RYR2: variants seen among roughly 807,000 people sequenced by gnomAD.
The protein encoded by RYR2 is ryanodine receptor 2, also known as cardiac muscle ryanodine receptor-calcium release channel.
RYR2 carries 227 observed loss-of-function variants against 601.1 expected under a neutral mutation model. The ratio of observed to expected loss-of-function variants is 0.38; its 90% CI spans 0.34 to 0.42. RYR2 has a LOEUF of 0.42. Among genes scored for constraint, RYR2 ranks in the 10% least tolerant of loss-of-function variants. RYR2 has a pLI of 1.00. For synonymous variants in RYR2, 2,223 were observed against 2,175.1 expected (o/e 1.02, Z -0.61); for missense variants, 4,646 against 6,156.5 (o/e 0.75, Z 8.21).
intron 22 of RYR2, among the ~76,000 whole-genome samples, chr1:237,505,353 T>C (rs887768475): frequency 1.2e-4 from 19 of 152,196 alleles, no homozygotes; most frequent in African/African-American, 4.6e-4. Flanking sequence ...TATTCAAAGT[T>C]TGTTTCTTAG....
intron 10 of RYR2, among the ~76,000 whole-genome samples, chr1:237,414,986 T>C (rs1363272300): frequency 1.3e-5 from 1 of 75,762 alleles, no homozygotes; most frequent in South Asian, 5.2e-4. Context: ...CATCTGACAA[T>C]GTTGGAGAAC....
chr1:237,747,630 AAGAATGAATGGGCTGTAAG>A (rs1344003062), intron 80 of RYR2, among the ~76,000 whole-genome samples: 5 of 152,216 alleles, frequency 3.3e-5, no homozygotes, highest in Non-Finnish European at 7.3e-5. Flanking sequence ...GTAATGCTAC[AAGAATGAATGGGCTGTAAG>A]ATATACTGCC....
At chr1:237,598,612 A>G (rs1195879626) in intron 34 of RYR2, among the ~76,000 whole-genome samples, 1 of 152,204 alleles carries the variant, frequency 6.6e-6, no homozygotes, top group African/African-American at 2.4e-5. Context: ...TCTTGAGACA[A>G]ACAAAAATGG....
intron 1 of RYR2, among the ~76,000 whole-genome samples, chr1:237,086,275 C>G (rs560607704): frequency 2.6e-4 from 40 of 152,310 alleles, no homozygotes; most frequent in African/African-American, 9.6e-4. Context: ...CCTGTGTCCT[C>G]ACGTGGTCTT....
At chr1:237,293,901 A>C (rs73125471) in intron 2 of RYR2, among the ~76,000 whole-genome samples, 9 of 152,148 alleles carry the variant, frequency 5.9e-5, no homozygotes, top group African/African-American at 1.9e-4. Flanking sequence ...GTCAACCTTC[A>C]GCCCCTCTAT....
At chr1:237,499,346 AT>A (rs764360807) in intron 20 of RYR2, among the ~76,000 whole-genome samples, 1 of 152,218 alleles carries the variant, frequency 6.6e-6, no homozygotes, top group Admixed American at 6.5e-5. Flanking sequence ...GTATAAAAAA[AT>A]CTTGGTGCTT....
intron 6 of RYR2, among the ~76,000 whole-genome samples, chr1:237,370,435 A>G (rs1021249086): frequency 6.6e-6 from 1 of 152,060 alleles, no homozygotes; most frequent in Non-Finnish European, 1.5e-5. Context: ...AGAAAAAAAT[A>G]TTTTCTACAC....
intron 27 of RYR2, chr1:237,555,217 T>A (rs1010654838): frequency 6.6e-6 from 1 of 152,140 alleles, no homozygotes; most frequent in South Asian, 2.1e-4. Context: ...TTCACTAACA[T>A]TGCCTTATGA....
At chr1:237,717,647 A>G (rs1447046440) in intron 72 of RYR2, among the ~76,000 whole-genome samples, 1 of 152,204 alleles carries the variant, frequency 6.6e-6, no homozygotes, top group African/African-American at 2.4e-5. Flanking sequence ...GATTTCATAT[A>G]AACTTCTATA....
At chr1:237,601,340 A>G (rs1447604982) in intron 34 of RYR2, among the ~76,000 whole-genome samples, 1 of 152,208 alleles carries the variant, frequency 6.6e-6, no homozygotes, top group East Asian at 1.9e-4. Flanking sequence ...CATAGAAAGA[A>G]AAATACTGCA....
At chr1:237,113,746 C>T (rs186896019) in intron 1 of RYR2, among the ~76,000 whole-genome samples, 27 of 152,282 alleles carry the variant, frequency 1.8e-4, no homozygotes, top group African/African-American at 6.5e-4. Context: ...TAGAGAGCTA[C>T]AAGGTGGAAT....
chr1:237,049,308 G>A (rs192546697), intron 1 of RYR2, among the ~76,000 whole-genome samples: 1 of 152,220 alleles, frequency 6.6e-6, no homozygotes, highest in East Asian at 1.9e-4. Flanking sequence ...GACTTCCAGG[G>A]GCACTGTTAG....
chr1:237,208,256 G>T (rs965562581), intron 1 of RYR2, among the ~76,000 whole-genome samples: 1 of 152,210 alleles, frequency 6.6e-6, no homozygotes, highest in Non-Finnish European at 1.5e-5. Context: ...TCCTCATGGA[G>T]TTTGCTGATT....
In RYR2 at chr1:237,530,445, A is replaced by C; in HGVS notation, c.2841A>C (p.Gly947=). Reference sequence around the variant, plus strand: ...TTTCCAGGACTTTGTTGGCATTAGGATGTCATGTGGGTATATCAGATGAAC... The same window carrying C: ...TTTCCAGGACTTTGTTGGCATTAGGCTGTCATGTGGGTATATCAGATGAAC... The part of the protein sequence containing the change: ...LETLKTLLAL[G]CHVGISDEHA... Residue 947 remains glycine (G), a synonymous_variant, in exon 25 of 105, where the codon GGA becomes GGC. Transcript: ENST00000366574. 6.2e-7 allele frequency: 1 copy of C among 1,608,412 alleles called. No homozygotes were observed. Among genetic ancestry groups the C allele is most frequent in the African/African-American group, 1.3e-5 (1 of 74,988 alleles).
rs775355706 is a variant in RYR2, at chr1:237,707,118, G to T, written c.9750G>T (p.Trp3250Cys). 1 of 1,613,918 alleles carries T rather than the reference G, an allele frequency of 6.2e-7. No individual in the cohort carries two copies. Among genetic ancestry groups the T allele is most frequent in the Admixed American group, 1.7e-5 (1 of 60,004 alleles). The change falls in exon 68 of 105, where the codon TGG becomes TGT. Residue 3250 changes from tryptophan (W) to cysteine (C), a missense_variant. Physicochemically the swap from Trp to Cys is radical, Grantham distance 215 (BLOSUM62 -2). Around this residue, in one of 17 missense-constraint regions of RYR2, gnomAD observed 1,497 missense variants for 1,842.6 expected, o/e 0.81. Transcript: ENST00000366574. Reference sequence around the variant, plus strand: ...TTTGCAGCTACATGTCTCGTTGGTGGGAGCATGGACCTGAGAACAATCCAG... The same window carrying T: ...TTTGCAGCTACATGTCTCGTTGGTGTGAGCATGGACCTGAGAACAATCCAG... ...PMLCSYMSRW[W>C]EHGPENNPER...
intron 66 of RYR2, among the ~76,000 whole-genome samples, chr1:237,704,115 G>T (rs1010987828): frequency 1.3e-5 from 2 of 152,080 alleles, no homozygotes; most frequent in Admixed American, 6.6e-5. Context: ...ACAGAAAACA[G>T]GTAGAAGCTA....
At chr1:237,651,593 C>A in intron 51 of RYR2, 92 bp downstream of exon 51, 1 of 819,996 alleles carries the variant, frequency 1.2e-6, no homozygotes, top group Non-Finnish European at 2.0e-6. Flanking sequence ...ATACATCATG[C>A]TTGACGCTGG....
Position 237,610,056 on chromosome 1 carries a change from A to G in RYR2, c.4684-706A>G, listed in dbSNP as rs184602734. 4.5e-3 allele frequency among the ~76,000 whole-genome samples: 680 copies of G among 152,174 alleles called. 3 individuals are homozygous for G. Among genetic ancestry groups the G allele is most frequent in the Admixed American group, 7.8e-3 (120 of 15,292 alleles). On this transcript the variant is annotated intron_variant, in intron 35 of 104. Transcript: ENST00000366574. This position sits in a 1 kb window ranked among gnomAD's most constrained non-coding sequence, Gnocchi z 4.9. ...AGATAGAAGATAATGCAGAAATATG[A>G]GATAATGGTTTTCTTATGGTCCCAT...
chr1:237,398,448 A>T (rs906653465), intron 10 of RYR2, among the ~76,000 whole-genome samples: 3 of 152,196 alleles, frequency 2.0e-5, no homozygotes, highest in Non-Finnish European at 4.4e-5. Flanking sequence ...ATAGGCAAAA[A>T]CCATGACAGC....
Sources: allele counts gnomAD v4.1 joint callset (sites outside exome capture counted in the v4.1 genomes callset), GRCh38; gene constraint gnomAD v4.1.1; regional missense constraint gnomAD v4.1.1; non-coding constraint Gnocchi (gnomAD v3.1); transcripts MANE v1.5; gene names NCBI Gene and HGNC (gene_info 2026-07-23, HGNC 2026-07-21).